SH3RF3: variants seen among roughly 807,000 people sequenced by gnomAD.
SH3RF3 encodes SH3 domain containing ring finger 3.
A neutral mutation model predicts 66.3 loss-of-function variants in SH3RF3; 29 were observed. That is an observed-to-expected ratio of 0.44 (90% CI 0.33 to 0.60). The LOEUF is 0.60. SH3RF3 is among the 20% of genes least tolerant of loss of function. The pLI, the probability that SH3RF3 is intolerant of heterozygous loss-of-function variation, is 0.04. For missense variants in SH3RF3, 1,194 were observed against 1,190.9 expected (o/e 1.00, Z -0.04); for synonymous variants, 583 against 532.0 (o/e 1.10, Z -1.32).
Position 109,230,691 on chromosome 2 carries a change from G to A in SH3RF3, c.573+100578G>A, listed in dbSNP as rs182571734. On this transcript the variant is annotated intron_variant, in intron 1 of 9. Coordinates refer to ENST00000309415, the MANE Select transcript of SH3RF3 (RefSeq NM_001099289.3). ...TTGTAATGTCAGAAAATCGTAAGTC[G>A]GGGATCATCAGCTATGTCACCAGCA... Among the ~76,000 whole-genome samples the A allele has an allele frequency of 2.3e-3, 351 of 152,290 alleles. 3 individuals carry two copies. The highest frequency in any genetic ancestry group is 6.9e-3 in the African/African-American group (285 of 41,548).
At chr2:109,452,343 T>G (rs1677899957) in intron 8 of SH3RF3, among the ~76,000 whole-genome samples, 2 of 152,296 alleles carry the variant, frequency 1.3e-5, no homozygotes, top group South Asian at 2.1e-4. Context: ...TGATCATAGA[T>G]GTACACATGT....
rs142222086 is a variant in SH3RF3, at chr2:109,262,306, C to T, written c.574-85368C>T. On this transcript the variant is annotated intron_variant, in intron 1 of 9. Coordinates refer to ENST00000309415, the MANE Select transcript of SH3RF3 (RefSeq NM_001099289.3). ...TTGTAAATGGGAGAGATAAATGTCTCGAGTAACCACGGTGGAAAAGCACCA... is the reference window on the plus strand; with the variant it reads ...TTGTAAATGGGAGAGATAAATGTCTTGAGTAACCACGGTGGAAAAGCACCA... Among the ~76,000 whole-genome samples the T allele has an allele frequency of 5.6e-3, 853 of 152,296 alleles. 9 individuals carry two copies. Among genetic ancestry groups the T allele is most frequent in the South Asian group, 0.031 (148 of 4,826 alleles).
intron 4 of SH3RF3, among the ~76,000 whole-genome samples, chr2:109,400,795 GTCAT>G (rs1676294993): frequency 6.6e-6 from 1 of 152,234 alleles, no homozygotes; most frequent in Non-Finnish European, 1.5e-5. Context: ...TAACCGTGCA[GTCAT>G]CTGCCCCCAT....
chr2:109,242,400 G>T (rs1574524034), intron 1 of SH3RF3, among the ~76,000 whole-genome samples: 1 of 152,286 alleles, frequency 6.6e-6, no homozygotes, highest in East Asian at 1.9e-4. Flanking sequence ...GTTGCAGATG[G>T]TCACACCCAT....
intron 1 of SH3RF3, among the ~76,000 whole-genome samples, chr2:109,334,710 A>G (rs903548617): frequency 6.6e-6 from 1 of 152,228 alleles, no homozygotes; most frequent in South Asian, 2.1e-4. Context: ...AAAAGCTGCA[A>G]TATGCCTCTT....
chr2:109,166,540 T>C (rs1012756700), intron 1 of SH3RF3, among the ~76,000 whole-genome samples: 1 of 151,884 alleles, frequency 6.6e-6, no homozygotes, highest in African/African-American at 2.4e-5. Context: ...CTCTGCTCAA[T>C]GTCAGCCATG....
intron 4 of SH3RF3, among the ~76,000 whole-genome samples, chr2:109,400,590 C>T (rs983432338): frequency 1.3e-5 from 2 of 151,746 alleles, no homozygotes; most frequent in African/African-American, 4.8e-5. Context: ...CACACACACA[C>T]TTGTGAACTT....
At chr2:109,132,209 A>G (rs1007944507) in intron 1 of SH3RF3, among the ~76,000 whole-genome samples, 1 of 152,208 alleles carries the variant, frequency 6.6e-6, no homozygotes, top group Non-Finnish European at 1.5e-5. Context: ...TCATTTTCCA[A>G]TTAGAAGCTC....
chr2:109,394,435 G>A (rs1676086784), intron 3 of SH3RF3, among the ~76,000 whole-genome samples: 1 of 152,150 alleles, frequency 6.6e-6, no homozygotes, highest in Non-Finnish European at 1.5e-5. Flanking sequence ...TCGGACTAGG[G>A]GGTGGCCCCT....
rs750304596 is a variant in SH3RF3 at position 109,432,573 on chromosome 2, G to A, written c.1476G>A (p.Arg492=). 6.2e-7 allele frequency: 1 copy of A among 1,613,548 alleles called. No homozygotes were observed. The highest frequency in any genetic ancestry group is 1.3e-5 in the African/African-American group (1 of 74,928). ...AGCTGCACAAGGGAGAGATGTACCGGGTCCTCGAGAAGTGTCAGGATGGCT... is the reference window on the plus strand; with the variant it reads ...AGCTGCACAAGGGAGAGATGTACCGAGTCCTCGAGAAGTGTCAGGATGGCT... ...ELELHKGEMY[R]VLEKCQDGWF... The change falls in exon 6 of 10, where the codon CGG becomes CGA. Residue 492 remains arginine (R), a synonymous_variant. Transcript: ENST00000309415.
chr2:109,276,622 G>T (rs970564213), intron 1 of SH3RF3, among the ~76,000 whole-genome samples: 28 of 152,198 alleles, frequency 1.8e-4, no homozygotes, highest in Non-Finnish European at 3.1e-4. Context: ...GTTTTGCCAT[G>T]GTGCTTTGGG....
At chr2:109,304,681 G>A (rs1451310235) in intron 1 of SH3RF3, among the ~76,000 whole-genome samples, 6 of 152,132 alleles carry the variant, frequency 3.9e-5, no homozygotes, top group South Asian at 2.1e-4. Flanking sequence ...TGATTTCTCC[G>A]TCTCACTAGC....
Position 109,338,835 on chromosome 2 carries a change from G to A in SH3RF3, c.574-8839G>A, listed in dbSNP as rs566985658. On this transcript the variant is annotated intron_variant, in intron 1 of 9. Coordinates refer to ENST00000309415, the MANE Select transcript of SH3RF3 (RefSeq NM_001099289.3). ...GGCCTCCCAAAGTGTGTGAGCCATT[G>A]CGCCAAGTCTTGCATGTAACTTTTG... Among the ~76,000 whole-genome samples the A allele has an allele frequency of 1.3e-4, 20 of 152,284 alleles. No individual in the cohort carries two copies. In the East Asian group the frequency reaches 3.1e-3, roughly 24 times the overall value.
intron 8 of SH3RF3, among the ~76,000 whole-genome samples, chr2:109,456,409 T>C (rs1051732892): frequency 6.6e-6 from 1 of 152,250 alleles, no homozygotes; most frequent in Non-Finnish European, 1.5e-5. Context: ...TTTTGAAGTT[T>C]TCCAGACAGC....
chr2:109,438,653 C>A (rs1433653370), intron 7 of SH3RF3, among the ~76,000 whole-genome samples: 2 of 152,332 alleles, frequency 1.3e-5, no homozygotes, highest in African/African-American at 4.8e-5. Flanking sequence ...GGTGCCCAAG[C>A]CCACCCTGCA....
chr2:109,232,929 C>T (rs1378747411), intron 1 of SH3RF3, among the ~76,000 whole-genome samples: 3 of 152,264 alleles, frequency 2.0e-5, no homozygotes, highest in East Asian at 1.9e-4. Flanking sequence ...GAGTGAGCAC[C>T]ACTGAGACAG....
At chr2:109,407,993 C>G (rs187428109) in intron 4 of SH3RF3, among the ~76,000 whole-genome samples, 1 of 152,178 alleles carries the variant, frequency 6.6e-6, no homozygotes, top group Admixed American at 6.5e-5. Context: ...GGGTTTCTGC[C>G]TGTGCCTCCA....
In SH3RF3 at chr2:109,193,314, G is replaced by T. The variant is rs570492013; in HGVS notation, c.573+63201G>T. Among the ~76,000 whole-genome samples, 2 of 152,248 alleles carry T rather than the reference G, an allele frequency of 1.3e-5. 1 individual carries two copies. The highest frequency in any genetic ancestry group is 4.2e-4 in the South Asian group (2 of 4,814). ...TATTGAGACAGAATTCACATACCGT[G>T]AATTCATCCATTCAAAGTGTACAAT... On this transcript the variant is annotated intron_variant, in intron 1 of 9. Coordinates refer to ENST00000309415, the MANE Select transcript of SH3RF3 (RefSeq NM_001099289.3).
chr2:109,501,529 C>T lies in SH3RF3; in HGVS notation c.2507C>T (p.Pro836Leu), dbSNP rs1679385871. Residue 836 changes from proline (P) to leucine (L), a missense_variant, in exon 10 of 10, where the codon CCC (proline) becomes CTC (leucine). By Grantham distance (98) the Pro-to-Leu change is moderately conservative (BLOSUM62 -3). Coordinates refer to ENST00000309415, the MANE Select transcript of SH3RF3 (RefSeq NM_001099289.3). ...ERYRVVVSYP[P>L]QSEAEIELKE... ...TACCGCGTGGTGGTCTCGTACCCAC[C>T]CCAGAGTGAGGCGGAGATCGAGCTG... The T allele has an allele frequency of 1.3e-6, 1 of 779,158 alleles. No individual in the cohort carries two copies. Among genetic ancestry groups the T allele is most frequent in the African/African-American group, 1.7e-5 (1 of 59,092 alleles). 48.3% of individuals were successfully genotyped at this position (779,158 alleles called of 1,614,324 possible).
Sources: allele counts gnomAD v4.1 joint callset (sites outside exome capture counted in the v4.1 genomes callset), GRCh38; gene constraint gnomAD v4.1.1; transcripts MANE v1.5; gene names NCBI Gene and HGNC (gene_info 2026-07-23, HGNC 2026-07-21).